Variants in UPB1 observed in about 807,000 individuals in gnomAD.
The protein encoded by UPB1 is beta-ureidopropionase.
Under a neutral mutation model 49.1 loss-of-function variants are expected in UPB1, and 40 were observed. That is an observed-to-expected ratio of 0.81 (90% CI 0.63 to 1.06). The LOEUF (loss-of-function observed/expected upper bound fraction) is 1.06, where lower values mean the gene tolerates loss of function less well. Ranked by LOEUF, UPB1 falls within the 50% of genes least tolerant of loss-of-function variation. The pLI, the probability that UPB1 is intolerant of heterozygous loss-of-function variation, is 0.00. For missense variants in UPB1, 499 were observed against 505.9 expected, an observed-to-expected ratio of 0.99 and a Z score of 0.13; for synonymous variants, 207 against 198.2, an observed-to-expected ratio of 1.04 and a Z score of -0.38.
At chr22:24,496,426 C>T (rs1220756934) in intron 1 of UPB1, among the ~76,000 whole-genome samples, 1 of 150,890 alleles carries the variant, frequency 6.6e-6, no homozygotes, top group Non-Finnish European at 1.5e-5. Flanking sequence ...CACACACACA[C>T]GTCTTTGGAT....
rs151216546 is a variant in UPB1 at position 24,526,413 on chromosome 22, C to T, written c.*619C>T. On this transcript the variant is annotated 3_prime_UTR_variant, in exon 10 of 10. Coordinates refer to ENST00000326010, the MANE Select transcript of UPB1 (RefSeq NM_016327.3). ...TAGTCAGAAGGCCTAAAGAACAGAG[C>T]TAAGGGTTTCCCTGAGGAAGAAATT... The T allele has an allele frequency of 1.6e-3, 252 of 161,852 alleles. No individual in the cohort carries two copies. The highest frequency in any genetic ancestry group is 3.9e-3 in the African/African-American group (163 of 41,660). 10.0% of individuals were successfully genotyped at this position (161,852 alleles called of 1,614,324 possible).
chr22:24,521,356 G>A (rs978148322), intron 7 of UPB1, among the ~76,000 whole-genome samples: 1 of 151,974 alleles, frequency 6.6e-6, no homozygotes, highest in African/African-American at 2.4e-5. Flanking sequence ...GGTGGTAGGC[G>A]CCTGTAATCC....
At chr22:24,516,333 C>T (rs951633725) in intron 6 of UPB1, among the ~76,000 whole-genome samples, 15 of 152,146 alleles carry the variant, frequency 9.9e-5, no homozygotes, top group Non-Finnish European at 1.5e-4. Context: ...CTGGGCAGTA[C>T]CCCACCCCTG....
At chr22:24,503,075 A>C (rs1321556381) in intron 3 of UPB1, 1 of 152,532 alleles carries the variant, frequency 6.6e-6, no homozygotes, top group Admixed American at 6.5e-5. Flanking sequence ...GTTTGTAGAG[A>C]TGGAGATCTC....
rs2043961428 is a variant in UPB1 at position 24,500,004 on chromosome 22, C to T, written c.105-103C>T. 103 of 1,576,586 alleles carry T rather than the reference C, an allele frequency of 6.5e-5. 2 individuals are homozygous for T. The East Asian group carries it at 2.3e-3, about 35-fold the overall frequency. ...CTGAGCGCCTTCTAGCCAGGACATC[C>T]TCACCTCTTTGGCTGATAAATAGCT... On this transcript the variant is annotated intron_variant, in intron 1 of 9. Coordinates refer to ENST00000326010, the MANE Select transcript of UPB1 (RefSeq NM_016327.3).
At chr22:24,496,398 C>CACAT (rs751829721) in intron 1 of UPB1, among the ~76,000 whole-genome samples, 15 of 130,504 alleles carry the variant, frequency 1.1e-4, no homozygotes, top group Admixed American at 2.2e-4. Flanking sequence ...CACACACACA[C>CACAT]ACACATACAC....
At chr22:24,504,278 C>G (rs1183057293) in intron 3 of UPB1, among the ~76,000 whole-genome samples, 1 of 152,226 alleles carries the variant, frequency 6.6e-6, no homozygotes, top group Non-Finnish European at 1.5e-5. Context: ...AGGCCTTGCC[C>G]ATCTGAAAAT....
At chr22:24,502,960 C>T (rs2147005395) in intron 3 of UPB1, 1 of 170,662 alleles carries the variant, frequency 5.9e-6, no homozygotes, top group East Asian at 1.6e-4. Flanking sequence ...AATCACAGCT[C>T]ACTGCAGCCT....
chr22:24,501,478 C>T (rs1262853129), intron 2 of UPB1, among the ~76,000 whole-genome samples: 1 of 152,216 alleles, frequency 6.6e-6, no homozygotes, highest in African/African-American at 2.4e-5. Context: ...AAAGCAGTGG[C>T]ACACAATGGC....
In UPB1 at chr22:24,523,599, G is replaced by A. The variant is rs183715842; in HGVS notation, c.917-20G>A. 1.8e-5 allele frequency: 29 copies of A among 1,613,976 alleles called. No individual in the cohort carries two copies. The African/African-American group carries it at 3.1e-4, about 17-fold the overall frequency. On this transcript the variant is annotated intron_variant, in intron 8 of 9. Transcript: ENST00000326010. ...TGCATCTACACAAGCTCACAGATGT[G>A]TTTCTTTGTTCCTTTAAAGCTCACC... is the stretch of plus-strand genomic sequence containing the variant.
At chr22:24,521,492 T>TTAAA (rs1161437254) in intron 7 of UPB1, among the ~76,000 whole-genome samples, 26 of 151,946 alleles carry the variant, frequency 1.7e-4, no homozygotes, top group African/African-American at 3.4e-4. Context: ...AAATAAATAA[T>TTAAA]TAAATAAATA....
intron 5 of UPB1, among the ~76,000 whole-genome samples, chr22:24,514,257 A>G (rs1405721774): frequency 6.6e-6 from 1 of 152,108 alleles, no homozygotes; most frequent in Non-Finnish European, 1.5e-5. Flanking sequence ...AATGGCCTGC[A>G]GAGCTAGAGG....
At chr22:24,502,589 T>C in intron 3 of UPB1, 1 of 757,854 alleles carries the variant, frequency 1.3e-6, no homozygotes, top group Non-Finnish European at 2.4e-6. Flanking sequence ...CATCTAAACA[T>C]CCTGGTAGTA....
chr22:24,510,805 TCAG>T lies in UPB1; in HGVS notation c.425_427del (p.Ala142del). The stretch of plus-strand genomic sequence containing the variant: ...GCTTCCTTGGACAGAATTTGCTGAG[TCAG>T]CAGAGGATGGGCCCACCACCAGATT... On this transcript the variant is annotated inframe_deletion, in exon 4 of 10. Transcript: ENST00000326010. 1 of 1,614,184 alleles carries T rather than the reference TCAG, an allele frequency of 6.2e-7. No homozygotes were observed. Among genetic ancestry groups the T allele is most frequent in the Non-Finnish European group, 8.5e-7 (1 of 1,180,026 alleles).
chr22:24,524,346 C>T (rs1262040611), intron 9 of UPB1, among the ~76,000 whole-genome samples: 4 of 152,194 alleles, frequency 2.6e-5, no homozygotes, highest in Admixed American at 2.6e-4. Context: ...ACCTAATGCC[C>T]TGTGATGTCA....
Position 24,502,220 on chromosome 22 carries a change from C to CT in UPB1, c.364+13dup, listed in dbSNP as rs754450964. ...TGTTTCCAGGAAGCATGGAGTGAGT[C>CT]TTTTTTATGGTGCTTTCTCTGCTGC... is the stretch of plus-strand genomic sequence containing the variant. On this transcript the variant is annotated splice_region_variant and intron_variant, in intron 3 of 9. Coordinates refer to ENST00000326010, the MANE Select transcript of UPB1 (RefSeq NM_016327.3). 5.5e-5 allele frequency: 88 copies of CT among 1,613,568 alleles called. No homozygotes were observed. The highest frequency in any genetic ancestry group is 7.0e-5 in the Non-Finnish European group (83 of 1,179,624).
chr22:24,522,764 T>C (rs1292948399), intron 8 of UPB1, among the ~76,000 whole-genome samples: 1 of 145,566 alleles, frequency 6.9e-6, no homozygotes, highest in African/African-American at 2.6e-5. Context: ...AAACCCAGTC[T>C]CTACTAAAAA....
chr22:24,515,941 A>C (rs905755561), intron 6 of UPB1, among the ~76,000 whole-genome samples: 2 of 152,202 alleles, frequency 1.3e-5, no homozygotes, highest in African/African-American at 4.8e-5. Context: ...GCACCACTGC[A>C]CTCCAGCCTG....
At chr22:24,523,375 A>C (rs915437844) in intron 8 of UPB1, among the ~76,000 whole-genome samples, 3 of 152,224 alleles carry the variant, frequency 2.0e-5, no homozygotes, top group Admixed American at 6.5e-5. Flanking sequence ...ACCTCTCAGA[A>C]GGGTGACATT....
Sources: allele counts gnomAD v4.1 joint callset (sites outside exome capture counted in the v4.1 genomes callset), GRCh38; gene constraint gnomAD v4.1.1; transcripts MANE v1.5; gene names NCBI Gene and HGNC (gene_info 2026-07-23, HGNC 2026-07-21).